ZDHHC1: variants seen among roughly 807,000 people sequenced by gnomAD.
ZDHHC1 encodes the protein zDHHC palmitoyltransferase 1, also known as palmitoyltransferase ZDHHC1.
ZDHHC1 carries 45 observed loss-of-function variants against 46.9 expected under a neutral mutation model. The observed-to-expected ratio is 0.96, with a 90% CI of 0.76 to 1.23. The LOEUF (loss-of-function observed/expected upper bound fraction) is 1.23, where lower values mean the gene tolerates loss of function less well. Among genes scored for constraint, ZDHHC1 ranks in the 50% most tolerant of loss-of-function variants. The probability of loss-of-function intolerance (pLI) is 0.00; values close to 1 mark genes in which losing one functional copy is unlikely to be tolerated. For synonymous variants in ZDHHC1, 291 were observed against 286.0 expected, an observed-to-expected ratio of 1.02 and a Z score of -0.18; for missense variants, 649 against 670.8, an observed-to-expected ratio of 0.97 and a Z score of 0.36.
chr16:67,410,653 T>C (rs530290494), intron 1 of ZDHHC1, among the ~76,000 whole-genome samples: 1 of 149,032 alleles, frequency 6.7e-6, no homozygotes, highest in South Asian at 2.1e-4. Flanking sequence ...TAATTATTAT[T>C]ATTATTATTA....
At chr16:67,395,102 A>G (rs1406735248) in intron 10 of ZDHHC1, 40 bp from the exon 11 acceptor site, 1 of 1,613,288 alleles carries the variant, frequency 6.2e-7, no homozygotes. Flanking sequence ...CCACATCGCC[A>G]AAAGAAGCAG....
At chr16:67,400,831 AG>A in intron 4 of ZDHHC1, 125 bp downstream of exon 4, 3 of 1,106,808 alleles carry the variant, frequency 2.7e-6, no homozygotes, top group Non-Finnish European at 3.9e-6. Context: ...CACGCCATCA[AG>A]GTTCTTGACT....
rs767019054 is a variant in ZDHHC1, at chr16:67,398,292, C to T, written c.847G>A (p.Val283Met). The change falls in exon 8 of 12, where the codon GTG (valine) becomes ATG (methionine). Residue 283 changes from valine (V) to methionine (M), a missense_variant. Physicochemically the swap from Val to Met is conservative, Grantham distance 21. Coordinates refer to ENST00000565726, the MANE Select transcript of ZDHHC1 (RefSeq NM_001323627.2). ...GCCTCCTGTGGTGGGCGGTGCTGCACGATGTACTCATAGGTGGTGAGCTTG... is the reference window on the plus strand; with the variant it reads ...GCCTCCTGTGGTGGGCGGTGCTGCATGATGTACTCATAGGTGGTGAGCTTG... ...WHKLTTYEYI[V>M]QHRPPQEAKG... The T allele has an allele frequency of 6.8e-6, 11 of 1,613,930 alleles. No homozygotes were observed. Among genetic ancestry groups the T allele is most frequent in the Admixed American group, 5.0e-5 (3 of 60,006 alleles).
chr16:67,406,112 C>T lies in ZDHHC1; in HGVS notation c.252+88G>A. On this transcript the variant is annotated intron_variant, in intron 3 of 11. Transcript: ENST00000565726. The surrounding 1 kb of genome is among the most constrained non-coding windows in gnomAD (Gnocchi z 4.1). ...ACTCTCCTGACTGTGCTCCCCAAGGCTCTCAACCCGGCTTTGGGCCTCCGC... is the reference window on the plus strand; with the variant it reads ...ACTCTCCTGACTGTGCTCCCCAAGGTTCTCAACCCGGCTTTGGGCCTCCGC... 1 of 1,506,328 alleles carries T rather than the reference C, an allele frequency of 6.6e-7. No homozygotes were observed. 93.3% of individuals were successfully genotyped at this position (1,506,328 alleles called of 1,614,324 possible). A position where few individuals can be genotyped will look rare whatever the true frequency, so the allele number is the denominator to read the frequency against.
At chr16:67,395,753 T>G in intron 8 of ZDHHC1, 187 bp from the exon 9 acceptor site, 1 of 619,042 alleles carries the variant, frequency 1.6e-6, no homozygotes, top group Non-Finnish European at 2.8e-6. Context: ...TTTCTGGCCC[T>G]TGCCCCATCC....
At chr16:67,409,922 A>AT (rs905038057) in intron 1 of ZDHHC1, among the ~76,000 whole-genome samples, 1 of 139,586 alleles carries the variant, frequency 7.2e-6, no homozygotes, top group Admixed American at 8.6e-5. Flanking sequence ...GTGAATGGGC[A>AT]TTTTGGCAGC....
At chr16:67,413,144 A>G (rs192498708) in intron 1 of ZDHHC1, among the ~76,000 whole-genome samples, 172 of 151,552 alleles carry the variant, frequency 1.1e-3, no homozygotes, top group Non-Finnish European at 3.2e-4. Context: ...CAGTGGTGCA[A>G]TCATCGTTCA....
At chr16:67,398,487 G>T in intron 7 of ZDHHC1, 86 bp downstream of exon 7, 2 of 1,534,886 alleles carry the variant, frequency 1.3e-6, no homozygotes, top group South Asian at 1.2e-5. Flanking sequence ...GCAGGGGCAT[G>T]GTTTCAGGGT....
At chr16:67,414,108 G>C (rs2040795594) in intron 1 of ZDHHC1, among the ~76,000 whole-genome samples, 1 of 152,206 alleles carries the variant, frequency 6.6e-6, no homozygotes. Flanking sequence ...GGGACAAGTA[G>C]GAGGGAGTAA....
intron 9 of ZDHHC1, 77 bp from the exon 10 acceptor site, chr16:67,395,357 C>T (rs1450516113): frequency 2.7e-6 from 4 of 1,499,202 alleles, no homozygotes; most frequent in Non-Finnish European, 3.6e-6. Context: ...AGAGAAGCTT[C>T]CCTTCCTGTT....
rs765577557 is a variant in ZDHHC1 at position 67,399,386 on chromosome 16, GCCACT to G, written c.494_498del (p.Lys165ThrfsTer52). 2.8e-5 allele frequency: 45 copies of G among 1,613,338 alleles called. No homozygotes were observed. The East Asian group carries it at 1.0e-3, about 36-fold the overall frequency. On this transcript the variant is annotated frameshift_variant, in exon 5 of 12. Coordinates refer to ENST00000565726, the MANE Select transcript of ZDHHC1 (RefSeq NM_001323627.2). LOFTEE classifies it high-confidence loss of function. ...TTCCGCTCGCCCACACAGTTGTTGA[GCCACT>G]TGCAGTGGTGGTCGAAACCGCACAC... is the stretch of plus-strand genomic sequence containing the variant.
In ZDHHC1 at chr16:67,406,459, A is replaced by G; in HGVS notation, c.10-17T>C. ...GATGTTCATCTCCAGAGGGAGAAAC[A>G]GTAGAGAGAGCATTAGCCCAAGAAG... On this transcript the variant is annotated splice_polypyrimidine_tract_variant and intron_variant, in intron 2 of 11. Coordinates refer to ENST00000565726, the MANE Select transcript of ZDHHC1 (RefSeq NM_001323627.2). This position sits in a 1 kb window ranked among gnomAD's most constrained non-coding sequence, Gnocchi z 4.1. The G allele has an allele frequency of 6.7e-7, 1 of 1,493,770 alleles. No individual in the cohort carries two copies. The highest frequency in any genetic ancestry group is 8.9e-7 in the Non-Finnish European group (1 of 1,119,548). 92.5% of individuals were successfully genotyped at this position (1,493,770 alleles called of 1,614,324 possible). A position where few individuals can be genotyped will look rare whatever the true frequency, so the allele number is the denominator to read the frequency against.
chr16:67,411,401 G>C (rs996140006), intron 1 of ZDHHC1, among the ~76,000 whole-genome samples: 1 of 152,206 alleles, frequency 6.6e-6, no homozygotes, highest in South Asian at 2.1e-4. Flanking sequence ...GCCTGGAGTA[G>C]AGCCCTTTTC....
chr16:67,397,355 C>A (rs538056669), intron 8 of ZDHHC1, among the ~76,000 whole-genome samples: 1 of 152,232 alleles, frequency 6.6e-6, no homozygotes, highest in Admixed American at 6.5e-5. Context: ...GAGCCCAGCA[C>A]TGGGGCAGGT....
intron 1 of ZDHHC1, among the ~76,000 whole-genome samples, chr16:67,411,974 G>A (rs926914380): frequency 3.9e-5 from 6 of 152,068 alleles, no homozygotes; most frequent in South Asian, 4.2e-4. Flanking sequence ...TTAGCTGGGC[G>A]TGGTGGTGCG....
intron 1 of ZDHHC1, among the ~76,000 whole-genome samples, chr16:67,408,016 G>A (rs2040693048): frequency 6.6e-6 from 1 of 152,128 alleles, no homozygotes; most frequent in Non-Finnish European, 1.5e-5. Flanking sequence ...TAGCCACCCT[G>A]CCCTTCAGCC....
chr16:67,398,773 G>A (rs780347496), intron 6 of ZDHHC1, 42 bp from the exon 7 acceptor site: 34 of 1,611,988 alleles, frequency 2.1e-5, no homozygotes, highest in Middle Eastern at 1.7e-4. Flanking sequence ...GGGACGTGAC[G>A]GGTGACCAGG....
chr16:67,403,904 G>A (rs987489141), intron 3 of ZDHHC1, among the ~76,000 whole-genome samples: 17 of 152,274 alleles, frequency 1.1e-4, no homozygotes, highest in Admixed American at 9.8e-4. Flanking sequence ...GTGAACCATC[G>A]CGCCCGGCCT....
At position 67,398,841 on chromosome 16, in the gene ZDHHC1, G is replaced by T; in HGVS notation, c.634C>A (p.Arg212Ser). Reference sequence around the variant, plus strand: ...TGACCTTCAAAGTGTCGGTTGGTGCGCAGACGCATGGGGTTGACAAAGAAC... The same window carrying T: ...TGACCTTCAAAGTGTCGGTTGGTGCTCAGACGCATGGGGTTGACAAAGAAC... ...VEFFVNPMRLRTNRHFEVLKN... is the reference protein window; with the variant it reads ...VEFFVNPMRLSTNRHFEVLKN... The change falls in exon 6 of 12, where the codon CGC becomes AGC. Residue 212 changes from arginine (R) to serine (S), a missense_variant. Arg to Ser is a moderately radical substitution (Grantham distance 110, BLOSUM62 -1). Transcript: ENST00000565726. The T allele has an allele frequency of 6.2e-7, 1 of 1,612,552 alleles. No individual in the cohort carries two copies. The highest frequency in any genetic ancestry group is 2.2e-5 in the East Asian group (1 of 44,816).
Sources: allele counts gnomAD v4.1 joint callset (sites outside exome capture counted in the v4.1 genomes callset), GRCh38; gene constraint gnomAD v4.1.1; non-coding constraint Gnocchi (gnomAD v3.1); transcripts MANE v1.5; gene names NCBI Gene and HGNC (gene_info 2026-07-23, HGNC 2026-07-21).